Variants in PRKCB observed in about 807,000 individuals in gnomAD.
The protein encoded by PRKCB is protein kinase C beta type.
Under a neutral mutation model 81.5 loss-of-function variants are expected in PRKCB, and 13 were observed. That is an observed-to-expected ratio of 0.16 (90% CI 0.10 to 0.25). PRKCB has a LOEUF of 0.25. Ranked by LOEUF, PRKCB falls within the 10% of genes least tolerant of loss-of-function variation. PRKCB has a pLI of 1.00. For synonymous variants in PRKCB, 335 were observed against 321.4 expected, an observed-to-expected ratio of 1.04 and a Z score of -0.45; for missense variants, 509 against 875.7, an observed-to-expected ratio of 0.58 and a Z score of 5.29.
intron 3 of PRKCB, among the ~76,000 whole-genome samples, chr16:23,990,406 G>T (rs55957640): frequency 6.6e-6 from 1 of 151,476 alleles, no homozygotes; most frequent in African/African-American, 2.4e-5. Flanking sequence ...TGCAGTAAGC[G>T]GAGATCGCAC....
At chr16:23,967,154 C>T (rs990004310) in intron 2 of PRKCB, among the ~76,000 whole-genome samples, 2 of 152,068 alleles carry the variant, frequency 1.3e-5, no homozygotes, top group Non-Finnish European at 2.9e-5. Flanking sequence ...ATTTCAAGGT[C>T]GTTGGTGTGG....
chr16:24,143,152 A>G (rs1473821414), intron 9 of PRKCB, among the ~76,000 whole-genome samples: 1 of 151,946 alleles, frequency 6.6e-6, no homozygotes, highest in Non-Finnish European at 1.5e-5. Flanking sequence ...ATTTATTTTG[A>G]GATGGAGTCT....
chr16:23,844,471 C>G (rs1310754544), intron 2 of PRKCB, among the ~76,000 whole-genome samples: 1 of 152,156 alleles, frequency 6.6e-6, no homozygotes, highest in African/African-American at 2.4e-5. Context: ...ATCTATTTGT[C>G]CATCCATGCA....
intron 3 of PRKCB, among the ~76,000 whole-genome samples, chr16:24,005,585 G>A (rs145074148): frequency 2.3e-4 from 35 of 152,294 alleles, no homozygotes; most frequent in African/African-American, 7.9e-4. Flanking sequence ...CCATCCGCTG[G>A]GAGTCAGCTC....
chr16:24,117,944 C>T (rs1326163807), intron 8 of PRKCB, among the ~76,000 whole-genome samples: 2 of 152,226 alleles, frequency 1.3e-5, no homozygotes, highest in African/African-American at 4.8e-5. Flanking sequence ...CACTCACCCG[C>T]ACTTTCAATG....
At chr16:24,041,953 C>T (rs1327557102) in intron 5 of PRKCB, among the ~76,000 whole-genome samples, 1 of 144,644 alleles carries the variant, frequency 6.9e-6, no homozygotes, top group Non-Finnish European at 1.5e-5. Flanking sequence ...CACAGCACTC[C>T]AGCCTGGGTA....
chr16:24,173,853 G>C (rs1967485844), intron 11 of PRKCB, among the ~76,000 whole-genome samples: 1 of 152,180 alleles, frequency 6.6e-6, no homozygotes, highest in Non-Finnish European at 1.5e-5. Context: ...TTGAGGAATG[G>C]GGAGATACTA....
intron 2 of PRKCB, among the ~76,000 whole-genome samples, chr16:23,961,695 T>A (rs1964428390): frequency 6.6e-6 from 1 of 151,768 alleles, no homozygotes; most frequent in South Asian, 2.1e-4. Context: ...CATTTCTGAG[T>A]GTGGATTTTT....
At chr16:24,015,079 G>C (rs957461490) in intron 3 of PRKCB, among the ~76,000 whole-genome samples, 1 of 152,188 alleles carries the variant, frequency 6.6e-6, no homozygotes, top group African/African-American at 2.4e-5. Flanking sequence ...GGGATTACAG[G>C]TGTGAACTGC....
intron 2 of PRKCB, among the ~76,000 whole-genome samples, chr16:23,941,002 TTAAG>T (rs1387907602): frequency 6.6e-6 from 1 of 152,192 alleles, no homozygotes; most frequent in East Asian, 1.9e-4. Flanking sequence ...ATTTTTGGTA[TTAAG>T]TTTGAAAGTC....
At chr16:24,068,490 A>C (rs1021890402) in intron 5 of PRKCB, among the ~76,000 whole-genome samples, 9 of 149,030 alleles carry the variant, frequency 6.0e-5, no homozygotes, top group African/African-American at 2.3e-4. Flanking sequence ...AAAAAAAAAA[A>C]AACCACACAC....
intron 2 of PRKCB, among the ~76,000 whole-genome samples, chr16:23,859,417 C>T (rs1233433818): frequency 2.0e-5 from 3 of 152,210 alleles, no homozygotes; most frequent in East Asian, 1.9e-4. Flanking sequence ...GTCTGGCTGG[C>T]ATAGTCAGCC....
chr16:23,936,290 C>A (rs56350292), intron 2 of PRKCB, among the ~76,000 whole-genome samples: 55,042 of 151,722 alleles, frequency 0.36, 10,198 homozygotes, highest in South Asian at 0.52. Flanking sequence ...CAGTGACTGG[C>A]AGAAGCTCAC....
intron 2 of PRKCB, among the ~76,000 whole-genome samples, chr16:23,847,536 C>T (rs554969502): frequency 4.9e-4 from 71 of 143,756 alleles, no homozygotes; most frequent in Non-Finnish European, 7.7e-4. Context: ...AGCTATTCTT[C>T]CATTCATCCA....
At chr16:23,935,976 G>A (rs575344037) in intron 2 of PRKCB, among the ~76,000 whole-genome samples, 5 of 152,222 alleles carry the variant, frequency 3.3e-5, no homozygotes, top group Admixed American at 6.5e-5. Context: ...CATTATTCCC[G>A]TGTAACAAAT....
intron 7 of PRKCB, among the ~76,000 whole-genome samples, chr16:24,112,210 A>G (rs1013770358): frequency 6.6e-6 from 1 of 152,192 alleles, no homozygotes; most frequent in African/African-American, 2.4e-5. Context: ...TATGCACCCT[A>G]TGTAGGGTGA....
At chr16:23,928,550 G>A (rs1462868330) in intron 2 of PRKCB, among the ~76,000 whole-genome samples, 1 of 152,124 alleles carries the variant, frequency 6.6e-6, no homozygotes, top group African/African-American at 2.4e-5. Context: ...GGGTGGAGAC[G>A]CTGTCAGTGA....
Position 24,097,070 on chromosome 16 carries a change from T to C in PRKCB, c.821+2773T>C, listed in dbSNP as rs1262183701. Among the ~76,000 whole-genome samples, 9 of 130,818 alleles carry C rather than the reference T, an allele frequency of 6.9e-5. No homozygotes were observed. The Admixed American group carries it at 7.4e-4, about 11-fold the overall frequency. 85.8% of individuals were successfully genotyped at this position (130,818 alleles called of 152,430 possible). On this transcript the variant is annotated intron_variant, in intron 7 of 16. Coordinates refer to ENST00000643927, the MANE Select transcript of PRKCB (RefSeq NM_002738.7). ...TTTTTTTTTTGAGACGGAGTCTTGCTCTGTCACCCAGGCTGGAGTGCAGTG... is the reference window on the plus strand; with the variant it reads ...TTTTTTTTTTGAGACGGAGTCTTGCCCTGTCACCCAGGCTGGAGTGCAGTG...
chr16:24,183,318 G>A (rs1289144905), intron 13 of PRKCB, among the ~76,000 whole-genome samples: 12 of 152,168 alleles, frequency 7.9e-5, no homozygotes, highest in East Asian at 7.7e-4. Flanking sequence ...CATATTTATT[G>A]TCTCACATAC....
Sources: allele counts gnomAD v4.1 joint callset (sites outside exome capture counted in the v4.1 genomes callset), GRCh38; gene constraint gnomAD v4.1.1; transcripts MANE v1.5; gene names NCBI Gene and HGNC (gene_info 2026-07-23, HGNC 2026-07-21).